The following RIN3 variants were observed in gnomAD, a reference collection of about 807,000 sequenced individuals.
The protein encoded by RIN3 is Ras and Rab interactor 3.
In RIN3, 54 loss-of-function variants were observed where a neutral mutation model predicts 76.3. That is an observed-to-expected ratio of 0.71 (90% CI 0.57 to 0.89). The LOEUF (loss-of-function observed/expected upper bound fraction) is 0.89. Among genes scored for constraint, RIN3 ranks in the 40% least tolerant of loss-of-function variants. RIN3 has a pLI of 0.00. For synonymous variants in RIN3, 576 were observed against 564.0 expected, an observed-to-expected ratio of 1.02 and a Z score of -0.30; for missense variants, 1,256 against 1,322.1, an observed-to-expected ratio of 0.95 and a Z score of 0.78.
At chr14:92,624,432 G>A (rs1320293686) in intron 4 of RIN3, among the ~76,000 whole-genome samples, 2 of 152,164 alleles carry the variant, frequency 1.3e-5, no homozygotes, top group South Asian at 2.1e-4. Flanking sequence ...TGGTTATATC[G>A]ACAATTGGGA....
At chr14:92,585,073 C>G (rs1039782040) in intron 3 of RIN3, among the ~76,000 whole-genome samples, 8 of 152,152 alleles carry the variant, frequency 5.3e-5, no homozygotes, top group Non-Finnish European at 1.2e-4. Context: ...GTGGCGCAAT[C>G]ATAGCTCACT....
chr14:92,608,895 ATTTAT>A (rs1885622835), intron 3 of RIN3, among the ~76,000 whole-genome samples: 1 of 152,110 alleles, frequency 6.6e-6, no homozygotes, highest in Non-Finnish European at 1.5e-5. Context: ...CATTTAAAAA[ATTTAT>A]TTATTTTAAT....
At chr14:92,567,320 T>C (rs1337201115) in intron 2 of RIN3, among the ~76,000 whole-genome samples, 1 of 152,234 alleles carries the variant, frequency 6.6e-6, no homozygotes, top group East Asian at 1.9e-4. Flanking sequence ...CAGTCACTAT[T>C]TTATATTTGC....
intron 1 of RIN3, among the ~76,000 whole-genome samples, chr14:92,538,459 T>C (rs1897059963): frequency 6.6e-6 from 1 of 152,196 alleles, no homozygotes; most frequent in Non-Finnish European, 1.5e-5. Flanking sequence ...TTGGGCACAC[T>C]GTGGTAGATG....
chr14:92,550,960 C>A (rs1013521930), intron 1 of RIN3, among the ~76,000 whole-genome samples: 3 of 152,152 alleles, frequency 2.0e-5, no homozygotes, highest in African/African-American at 7.2e-5. Context: ...CCACAAGTAA[C>A]CCTCAATGTT....
At chr14:92,658,770 A>G (rs1481524700) in intron 6 of RIN3, among the ~76,000 whole-genome samples, 1 of 152,220 alleles carries the variant, frequency 6.6e-6, no homozygotes, top group Non-Finnish European at 1.5e-5. Flanking sequence ...TAATTCCACC[A>G]GTCATTTACT....
intron 1 of RIN3, among the ~76,000 whole-genome samples, chr14:92,530,283 T>A (rs755932304): frequency 3.2e-4 from 49 of 152,224 alleles, no homozygotes; most frequent in Non-Finnish European, 5.9e-4. Context: ...CTTGGTCCCC[T>A]CTCACCTTCA....
At position 92,641,314 on chromosome 14, in the gene RIN3, G is replaced by A. The variant is rs776583796; in HGVS notation, c.517G>A (p.Ala173Thr). The A allele has an allele frequency of 1.6e-5, 26 of 1,613,682 alleles. No homozygotes were observed. The highest frequency in any genetic ancestry group is 3.3e-4 in the Middle Eastern group (2 of 6,082). The stretch of plus-strand genomic sequence containing the variant: ...CAGCTTCACGGACCTTGAGACCATC[G>A]CCAACCTGGGTCTGGGTGAGTCTTC... ...ASSFTDLETI[A>T]NLGLGFWDSS... is the part of the protein sequence containing the mutation. The change falls in exon 5 of 10, where the codon GCC (alanine) becomes ACC (threonine). Residue 173 changes from alanine to threonine, a missense_variant. By Grantham distance (58) the Ala-to-Thr change is moderately conservative. Around this residue, in one of 3 missense-constraint regions of RIN3, gnomAD observed 610 missense variants for 626.4 expected, o/e 0.97. Transcript: ENST00000216487.
intron 1 of RIN3, among the ~76,000 whole-genome samples, chr14:92,531,576 C>T (rs918409522): frequency 2.0e-5 from 3 of 152,282 alleles, no homozygotes; most frequent in African/African-American, 4.8e-5. Flanking sequence ...GGACTGTAGT[C>T]GGCCTGGGGT....
chr14:92,597,336 C>A (rs1329638604), intron 3 of RIN3, among the ~76,000 whole-genome samples: 4 of 152,164 alleles, frequency 2.6e-5, no homozygotes, highest in Non-Finnish European at 4.4e-5. Flanking sequence ...ATGGGATGAC[C>A]TTTGAAATCA....
intron 3 of RIN3, among the ~76,000 whole-genome samples, chr14:92,585,210 TG>T (rs1003202525): frequency 2.6e-5 from 4 of 152,054 alleles, no homozygotes; most frequent in African/African-American, 7.2e-5. Flanking sequence ...ATGGGGTCTC[TG>T]TGTTGTCCGG....
intron 1 of RIN3, among the ~76,000 whole-genome samples, chr14:92,528,598 G>A (rs1361193816): frequency 6.6e-6 from 1 of 152,224 alleles, no homozygotes; most frequent in African/African-American, 2.4e-5. Context: ...TGGACGGCAT[G>A]ATCATCTGGG....
At chr14:92,659,927 G>T (rs1007755170) in intron 7 of RIN3, among the ~76,000 whole-genome samples, 1 of 152,174 alleles carries the variant, frequency 6.6e-6, no homozygotes, top group Non-Finnish European at 1.5e-5. Flanking sequence ...TCCTTGGCTT[G>T]TGGCCACAGA....
chr14:92,585,718 C>G (rs1884748511), intron 3 of RIN3, among the ~76,000 whole-genome samples: 1 of 152,138 alleles, frequency 6.6e-6, no homozygotes, highest in African/African-American at 2.4e-5. Context: ...GCAGCCTCAA[C>G]CTCCTGGGCT....
intron 7 of RIN3, 138 bp from the exon 8 acceptor site, chr14:92,676,337 G>C (rs1175466931): frequency 9.8e-7 from 1 of 1,019,552 alleles, no homozygotes; most frequent in Non-Finnish European, 1.5e-6. Flanking sequence ...TGTCCTGAGA[G>C]TCATGAGAGA....
At chr14:92,625,249 C>T (rs1419687095) in intron 4 of RIN3, among the ~76,000 whole-genome samples, 3 of 152,050 alleles carry the variant, frequency 2.0e-5, no homozygotes, top group Non-Finnish European at 4.4e-5. Context: ...ACACTTAGTC[C>T]AGGGTAATGG....
At chr14:92,649,196 G>T (rs888955277) in intron 5 of RIN3, among the ~76,000 whole-genome samples, 7 of 152,224 alleles carry the variant, frequency 4.6e-5, no homozygotes, top group African/African-American at 1.7e-4. Flanking sequence ...TGGGTGAGCA[G>T]TCATGGGGTG....
chr14:92,646,240 G>A (rs111688101), intron 5 of RIN3, among the ~76,000 whole-genome samples: 87 of 152,184 alleles, frequency 5.7e-4, no homozygotes, highest in African/African-American at 2.0e-3. Flanking sequence ...CCCGCCCCTC[G>A]GCCCTTTCCT....
chr14:92,547,411 T>C (rs1897315220), intron 1 of RIN3, among the ~76,000 whole-genome samples: 1 of 148,370 alleles, frequency 6.7e-6, no homozygotes, highest in African/African-American at 2.5e-5. Flanking sequence ...TTTATTATTA[T>C]TGAGACAGGG....
Sources: allele counts gnomAD v4.1 joint callset (sites outside exome capture counted in the v4.1 genomes callset), GRCh38; gene constraint gnomAD v4.1.1; regional missense constraint gnomAD v4.1.1; transcripts MANE v1.5; gene names NCBI Gene and HGNC (gene_info 2026-07-23, HGNC 2026-07-21).